Variants in EIF4G3 observed in about 807,000 individuals in gnomAD.
EIF4G3 encodes eukaryotic translation initiation factor 4 gamma 3, also known as eIF-4-gamma 3.
A neutral mutation model predicts 186.4 loss-of-function variants in EIF4G3; 34 were observed. That is an observed-to-expected ratio of 0.18 (90% CI 0.14 to 0.24). The LOEUF (loss-of-function observed/expected upper bound fraction) is 0.24, where lower values mean the gene tolerates loss of function less well. Among genes scored for constraint, EIF4G3 ranks in the 10% least tolerant of loss-of-function variants. The pLI is 1.00. For missense variants in EIF4G3, 1,536 were observed against 1,948.5 expected, an observed-to-expected ratio of 0.79 and a Z score of 3.99; for synonymous variants, 673 against 679.5, an observed-to-expected ratio of 0.99 and a Z score of 0.15.
chr1:21,173,929 T>C (rs970966623), intron 2 of EIF4G3, among the ~76,000 whole-genome samples: 1 of 152,344 alleles, frequency 6.6e-6, no homozygotes, highest in African/African-American at 2.4e-5. Context: ...CCTTTTTTAA[T>C]CAATACCCCA....
intron 2 of EIF4G3, among the ~76,000 whole-genome samples, chr1:21,172,007 G>C (rs1439001476): frequency 6.6e-6 from 1 of 151,240 alleles, no homozygotes; most frequent in African/African-American, 2.4e-5. Context: ...CCACAGATCA[G>C]ATCAGGTATG....
chr1:21,027,352 T>C (rs12723886), intron 4 of EIF4G3, among the ~76,000 whole-genome samples: 143,402 of 151,790 alleles, frequency 0.94, 68,251 homozygotes, highest in Middle Eastern at 1. Flanking sequence ...GCCACCATGC[T>C]CAGCACAGTG....
chr1:21,026,518 GCA>G (rs1491157021), intron 4 of EIF4G3, among the ~76,000 whole-genome samples: 2 of 111,840 alleles, frequency 1.8e-5, no homozygotes, highest in African/African-American at 6.4e-5. Flanking sequence ...AAAGGCAGAA[GCA>G]AAAAAAAAAA....
chr1:21,165,107 G>A (rs1234667891), intron 2 of EIF4G3, among the ~76,000 whole-genome samples: 2 of 152,182 alleles, frequency 1.3e-5, no homozygotes, highest in East Asian at 1.9e-4. Context: ...TCAGGGAAAC[G>A]CAAATCAAAA....
At chr1:21,143,863 C>T (rs1433472804) in intron 2 of EIF4G3, among the ~76,000 whole-genome samples, 2 of 151,952 alleles carry the variant, frequency 1.3e-5, no homozygotes, top group Non-Finnish European at 1.5e-5. Flanking sequence ...TGGAGGCTGC[C>T]ATAAGTCAAG....
chr1:20,989,583 A>G (rs1035957632), intron 7 of EIF4G3, among the ~76,000 whole-genome samples: 20 of 126,474 alleles, frequency 1.6e-4, no homozygotes, highest in Non-Finnish European at 6.9e-5. Flanking sequence ...AAAAAAAAAA[A>G]GTAGAGCCTG....
chr1:20,894,636 C>A (rs1332244107), intron 17 of EIF4G3, among the ~76,000 whole-genome samples: 1 of 152,124 alleles, frequency 6.6e-6, no homozygotes, highest in Non-Finnish European at 1.5e-5. Context: ...TAATGAAACA[C>A]TAGGCATAAA....
chr1:21,047,012 C>T (rs1057192844), intron 4 of EIF4G3, among the ~76,000 whole-genome samples: 3 of 152,150 alleles, frequency 2.0e-5, no homozygotes, highest in Non-Finnish European at 2.9e-5. Flanking sequence ...ATCATAACAA[C>T]GCTCTTACAG....
chr1:20,953,040 T>C (rs759324669), intron 12 of EIF4G3, among the ~76,000 whole-genome samples: 27 of 152,278 alleles, frequency 1.8e-4, no homozygotes, highest in Middle Eastern at 3.4e-3. Flanking sequence ...TATGAAGAAA[T>C]TAAGCTAGAC....
intron 20 of EIF4G3, among the ~76,000 whole-genome samples, chr1:20,870,887 T>C (rs560581438): frequency 1.3e-5 from 2 of 152,328 alleles, no homozygotes; most frequent in Non-Finnish European, 2.9e-5. Flanking sequence ...CCATGTCTTA[T>C]GATTCCCTCA....
intron 15 of EIF4G3, among the ~76,000 whole-genome samples, chr1:20,900,327 AG>A (rs992334377): frequency 1.3e-5 from 2 of 152,114 alleles, no homozygotes; most frequent in African/African-American, 4.8e-5. Flanking sequence ...GAAACACTGG[AG>A]GGTATTTTTT....
At chr1:21,110,319 G>A (rs1033573964) in intron 2 of EIF4G3, among the ~76,000 whole-genome samples, 3 of 150,218 alleles carry the variant, frequency 2.0e-5, no homozygotes, top group African/African-American at 4.9e-5. Flanking sequence ...TTTTTAAGAC[G>A]GAGTCTCGCT....
chr1:21,057,754 C>T (rs1230566238), intron 3 of EIF4G3, among the ~76,000 whole-genome samples: 1 of 151,992 alleles, frequency 6.6e-6, no homozygotes, highest in Non-Finnish European at 1.5e-5. Context: ...TAAAATATCA[C>T]TTACATTGGT....
At chr1:21,100,220 G>A (rs745723453) in intron 2 of EIF4G3, among the ~76,000 whole-genome samples, 3 of 152,092 alleles carry the variant, frequency 2.0e-5, no homozygotes, top group Non-Finnish European at 4.4e-5. Context: ...TGGGAGGAAG[G>A]AGGGTGACTG....
At chr1:21,037,291 C>G (rs1033572233) in intron 4 of EIF4G3, among the ~76,000 whole-genome samples, 2 of 151,302 alleles carry the variant, frequency 1.3e-5, no homozygotes, top group African/African-American at 4.9e-5. Context: ...TGCAAACAGC[C>G]AAAAAGTGAC....
chr1:20,833,779 T>C (rs2065957479), intron 30 of EIF4G3, among the ~76,000 whole-genome samples: 1 of 152,086 alleles, frequency 6.6e-6, no homozygotes, highest in Non-Finnish European at 1.5e-5. Context: ...TCTCAATAAA[T>C]TAGGTATTGA....
At chr1:20,958,077 C>A (rs2096482216) in intron 12 of EIF4G3, among the ~76,000 whole-genome samples, 1 of 152,028 alleles carries the variant, frequency 6.6e-6, no homozygotes, top group Non-Finnish European at 1.5e-5. Context: ...GATACCTAAA[C>A]CAGGAAAGAA....
At position 20,810,844 on chromosome 1, in the gene EIF4G3, C is replaced by T; in HGVS notation, c.4638G>A (p.Lys1546=). 6.2e-7 allele frequency: 1 copy of T among 1,614,136 alleles called. No homozygotes were observed. Among genetic ancestry groups the T allele is most frequent in the East Asian group, 2.2e-5 (1 of 44,866 alleles). ...ACTTGAGTAAGATCGGCACTCTCTG[C>T]TTGATAACAGCAGTGTCCACTCTGA... ...STFRVDTAVI[K]QRVPILLKYL... The change falls in exon 36 of 37, where the codon AAG becomes AAA. Residue 1546 remains lysine, a synonymous_variant. Transcript: ENST00000602326. This position sits in a 1 kb window ranked among gnomAD's most constrained non-coding sequence, Gnocchi z 4.1.
intron 2 of EIF4G3, among the ~76,000 whole-genome samples, chr1:21,146,234 T>C (rs2097438746): frequency 6.6e-6 from 1 of 152,198 alleles, no homozygotes; most frequent in Non-Finnish European, 1.5e-5. Flanking sequence ...TGTGCACCTG[T>C]AGTCCTAGCT....
Sources: gnomAD v4.1 joint callset for allele counts (sites outside exome capture counted in the v4.1 genomes callset) on GRCh38, gnomAD v4.1.1 for gene constraint, Gnocchi (gnomAD v3.1) non-coding constraint, MANE v1.5 for transcripts, NCBI Gene and HGNC (gene_info 2026-07-23, HGNC 2026-07-21) for gene names.